The following CD276 variants were observed in gnomAD, a reference collection of about 807,000 sequenced individuals.
The protein encoded by CD276 is CD276 antigen.
In CD276, 34 loss-of-function variants were observed where a neutral mutation model predicts 50.0. The observed-to-expected ratio is 0.68, with a 90% CI of 0.52 to 0.91. The LOEUF (loss-of-function observed/expected upper bound fraction) is 0.91. Ranked by LOEUF, CD276 falls within the 40% of genes least tolerant of loss-of-function variation. The probability of loss-of-function intolerance (pLI) is 0.00; values close to 1 mark genes in which losing one functional copy is unlikely to be tolerated. For missense variants in CD276, 634 were observed against 717.5 expected, an observed-to-expected ratio of 0.88 and a Z score of 1.33; for synonymous variants, 275 against 313.0, an observed-to-expected ratio of 0.88 and a Z score of 1.28.
chr15:73,710,603 A>G (rs1004528904), intron 8 of CD276, among the ~76,000 whole-genome samples: 34 of 152,252 alleles, frequency 2.2e-4, no homozygotes, highest in Non-Finnish European at 3.8e-4. Context: ...GGGGACTGCT[A>G]TAAATTATGC....
rs897702557 is a variant in CD276, at chr15:73,713,822, C to G, written c.*866C>G. ...TGCCTTCTCACCTCTTTGTTCCTTT[C>G]TTTTCATGTATCCATTCAGTTGATG... On this transcript the variant is annotated 3_prime_UTR_variant, in exon 10 of 10. Transcript: ENST00000318443. 2.0e-5 allele frequency: 9 copies of G among 446,666 alleles called. No homozygotes were observed. In the East Asian group the frequency reaches 5.2e-4, roughly 26 times the overall value. The allele number at this position is 446,666 out of a possible 1,614,324, so 27.7% of individuals were successfully genotyped here.
rs1393176254 is a variant in CD276, at chr15:73,714,085, G to T, written c.*1129G>T. ...CCCATAATTCTTACCCAGAGCATGG[G>T]GTTGGGGCGGAAACCTGGAGAGAGG... On this transcript the variant is annotated 3_prime_UTR_variant, in exon 10 of 10. Transcript: ENST00000318443. 3.5e-6 allele frequency: 1 copy of T among 288,004 alleles called. No individual in the cohort carries two copies. Among genetic ancestry groups the T allele is most frequent in the African/African-American group, 2.4e-5 (1 of 42,296 alleles). The allele number at this position is 288,004 out of a possible 1,614,324, so 17.8% of individuals were successfully genotyped here. A position where few individuals can be genotyped will look rare whatever the true frequency, so the allele number is the denominator to read the frequency against.
chr15:73,703,916 C>T lies in CD276; in HGVS notation c.991C>T (p.Arg331Cys), dbSNP rs775475628. 2.7e-5 allele frequency: 43 copies of T among 1,613,292 alleles called. No homozygotes were observed. The highest frequency in any genetic ancestry group is 1.1e-4 in the South Asian group (10 of 91,068). Reference sequence around the variant, plus strand: ...TGCATCCCTGAGGCTGCAGCGCGTGCGTGTGGCGGACGAGGGCAGCTTCAC... The same window carrying T: ...TGCATCCCTGAGGCTGCAGCGCGTGTGTGTGGCGGACGAGGGCAGCTTCAC... ...GNASLRLQRV[R>C]VADEGSFTCF... Residue 331 changes from arginine to cysteine, a missense_variant, in exon 5 of 10, where the codon CGT becomes TGT. Transcript: ENST00000318443.
chr15:73,689,776 C>T (rs565766581), intron 1 of CD276, among the ~76,000 whole-genome samples: 1 of 152,292 alleles, frequency 6.6e-6, no homozygotes, highest in South Asian at 2.1e-4. Context: ...GTGCTAACTT[C>T]TTCCATGAAG....
chr15:73,707,332 C>G (rs545140331), intron 6 of CD276, among the ~76,000 whole-genome samples: 1 of 152,326 alleles, frequency 6.6e-6, no homozygotes, highest in South Asian at 2.1e-4. Flanking sequence ...AGGGGCTGGG[C>G]TAGAGGATGG....
At chr15:73,710,866 T>G (rs976597909) in intron 8 of CD276, among the ~76,000 whole-genome samples, 2 of 152,272 alleles carry the variant, frequency 1.3e-5, no homozygotes, top group Admixed American at 6.5e-5. Context: ...CATCTCCAGC[T>G]GGAGGTGGAG....
intron 1 of CD276, among the ~76,000 whole-genome samples, chr15:73,694,807 G>A (rs1340452911): frequency 6.6e-6 from 1 of 152,244 alleles, no homozygotes; most frequent in African/African-American, 2.4e-5. Context: ...GCAGTCGTTA[G>A]CTGAGTGGCC....
At chr15:73,701,115 C>T (rs936820779) in intron 2 of CD276, among the ~76,000 whole-genome samples, 7 of 151,508 alleles carry the variant, frequency 4.6e-5, no homozygotes, top group Admixed American at 2.0e-4. Context: ...AGGCTGGTCT[C>T]GAACGCCTGA....
chr15:73,699,653 G>A lies in CD276; in HGVS notation c.14G>A (p.Arg5Gln), dbSNP rs139808700. The change falls in exon 2 of 10, where the codon CGG (arginine) becomes CAG (glutamine). Residue 5 changes from arginine to glutamine, a missense_variant. Physicochemically the swap from Arg to Gln is conservative, Grantham distance 43. Transcript: ENST00000318443. ...CCTCACAGGAAGATGCTGCGTCGGC[G>A]GGGCAGCCCTGGCATGGGTGTGCAT... MLRR[R>Q]GSPGMGVHVG... 39 of 1,613,654 alleles carry A rather than the reference G, an allele frequency of 2.4e-5. No homozygotes were observed. Among genetic ancestry groups the A allele is most frequent in the African/African-American group, 1.3e-4 (10 of 75,066 alleles).
In CD276 at chr15:73,690,003, T is replaced by C. The variant is rs187543320; in HGVS notation, c.-55+5543T>C. On this transcript the variant is annotated intron_variant, in intron 1 of 9. Coordinates refer to ENST00000318443, the MANE Select transcript of CD276 (RefSeq NM_001024736.2). ...AATTGCAAAAGAATTTACATGTTCA[T>C]AGTTAAAAACAGAGAAGTGTATCAA... Among the ~76,000 whole-genome samples, 112 of 152,326 alleles carry C rather than the reference T, an allele frequency of 7.4e-4. 1 individual carries two copies. The East Asian group carries it at 0.012, about 16-fold the overall frequency.
chr15:73,702,585 A>T lies in CD276; in HGVS notation c.410A>T (p.Gln137Leu), dbSNP rs11574477. 8.3e-4 allele frequency: 1,328 copies of T among 1,606,582 alleles called. 7 individuals are homozygous for T. In the African/African-American group the frequency reaches 0.015, roughly 18 times the overall value. Reference protein sequence around the residue: ...RDFGSAAVSLQVAAPYSKPSM... With the variant: ...RDFGSAAVSLLVAAPYSKPSM... Reference sequence around the variant, plus strand: ...TTCGGCAGCGCTGCCGTCAGCCTGCAGGTGGCCGGTGAGCACCAGGAGGGG... The same window carrying T: ...TTCGGCAGCGCTGCCGTCAGCCTGCTGGTGGCCGGTGAGCACCAGGAGGGG... Residue 137 changes from glutamine (Q) to leucine (L), a missense_variant, in exon 3 of 10, where the codon CAG becomes CTG. Coordinates refer to ENST00000318443, the MANE Select transcript of CD276 (RefSeq NM_001024736.2).
At chr15:73,696,073 C>G (rs956156380) in intron 1 of CD276, among the ~76,000 whole-genome samples, 19 of 152,368 alleles carry the variant, frequency 1.2e-4, no homozygotes, top group Non-Finnish European at 2.8e-4. Context: ...GATGCCCTTG[C>G]TGTACCTTAG....
intron 2 of CD276, among the ~76,000 whole-genome samples, chr15:73,701,384 T>G (rs935020141): frequency 6.6e-6 from 1 of 152,158 alleles, no homozygotes; most frequent in African/African-American, 2.4e-5. Context: ...GCATTGCTAC[T>G]CAGATTATGC....
chr15:73,709,031 G>A (rs1596020704), intron 7 of CD276, among the ~76,000 whole-genome samples: 1 of 152,192 alleles, frequency 6.6e-6, no homozygotes, highest in East Asian at 1.9e-4. Flanking sequence ...GAGTAGATGG[G>A]TAGTCAGAGG....
chr15:73,703,598 G>T, intron 4 of CD276, 61 bp from the exon 5 acceptor site: 3 of 1,319,374 alleles, frequency 2.3e-6, no homozygotes, highest in Non-Finnish European at 3.1e-6. Flanking sequence ...GGGGGACTCG[G>T]GTGGTAGCCT....
At position 73,704,664 on chromosome 15, in the gene CD276, C is replaced by T. The variant is rs1180608300; in HGVS notation, c.1369+192C>T. Among the ~76,000 whole-genome samples the T allele has an allele frequency of 6.6e-6, 1 of 152,190 alleles. No individual in the cohort carries two copies. The highest frequency in any genetic ancestry group is 1.5e-5 in the Non-Finnish European group (1 of 68,032). Reference sequence around the variant, plus strand: ...TGATAAGAACCATTTATAATGTTTGCCTTCCTAAGAGTGCTTTTCGTGGCA... The same window carrying T: ...TGATAAGAACCATTTATAATGTTTGTCTTCCTAAGAGTGCTTTTCGTGGCA... On this transcript the variant is annotated intron_variant, in intron 6 of 9. Transcript: ENST00000318443. This position sits in a 1 kb window ranked among gnomAD's most constrained non-coding sequence, Gnocchi z 4.1.
At chr15:73,710,979 C>T (rs894167841) in intron 8 of CD276, among the ~76,000 whole-genome samples, 156 bp from the exon 9 acceptor site, 18 of 152,132 alleles carry the variant, frequency 1.2e-4, no homozygotes, top group African/African-American at 4.1e-4. Flanking sequence ...GGGCTTGGGA[C>T]AGCAACCTAG....
chr15:73,686,627 G>C (rs919935114), intron 1 of CD276, among the ~76,000 whole-genome samples: 11 of 152,146 alleles, frequency 7.2e-5, no homozygotes, highest in African/African-American at 2.7e-4. Flanking sequence ...CTTTGGAGTA[G>C]GATTTGAGTT....
At chr15:73,703,585 T>A in intron 4 of CD276, 74 bp from the exon 5 acceptor site, 1 of 1,193,304 alleles carries the variant, frequency 8.4e-7, no homozygotes, top group African/African-American at 1.5e-5. Flanking sequence ...GGGGGAAGAG[T>A]TTGGGGGACT....
Sources: gnomAD v4.1 joint callset for allele counts (sites outside exome capture counted in the v4.1 genomes callset) on GRCh38, gnomAD v4.1.1 for gene constraint, Gnocchi (gnomAD v3.1) non-coding constraint, MANE v1.5 for transcripts, NCBI Gene and HGNC (gene_info 2026-07-23, HGNC 2026-07-21) for gene names.